ADORA2B: variants seen among roughly 807,000 people sequenced by gnomAD.
ADORA2B encodes the protein adenosine A2b receptor.
A neutral mutation model predicts 20.8 loss-of-function variants in ADORA2B; 18 were observed. That is an observed-to-expected ratio of 0.87 (90% CI 0.60 to 1.29). The LOEUF (loss-of-function observed/expected upper bound fraction) is 1.29, where lower values mean the gene tolerates loss of function less well. ADORA2B is among the 50% of genes most tolerant of loss of function. ADORA2B has a pLI of 0.00. For synonymous variants in ADORA2B, 179 were observed against 178.3 expected, an observed-to-expected ratio of 1.00 and a Z score of -0.03; for missense variants, 441 against 422.7, an observed-to-expected ratio of 1.04 and a Z score of -0.38.
At chr17:15,937,698 A>G in the ADORA2B span, among the ~76,000 whole-genome samples, 1 of 151,838 alleles carries the variant, frequency 6.6e-6, no homozygotes, top group Non-Finnish European at 1.5e-5. Context: ...TCAGCCTCCC[A>G]AGTAGTTGGG....
chr17:15,894,832 G>T, the ADORA2B span, among the ~76,000 whole-genome samples: 1 of 152,152 alleles, frequency 6.6e-6, no homozygotes, highest in East Asian at 1.9e-4. Flanking sequence ...CCAAAGAATG[G>T]TCATGGTAAT....
At chr17:15,876,587 C>T in the ADORA2B span, among the ~76,000 whole-genome samples, 1 of 151,572 alleles carries the variant, frequency 6.6e-6, no homozygotes, top group Admixed American at 6.6e-5. Context: ...TTACCCTGGT[C>T]CCCTAATTAT....
chr17:15,922,145 C>G, the ADORA2B span, among the ~76,000 whole-genome samples: 3 of 152,132 alleles, frequency 2.0e-5, no homozygotes, highest in Admixed American at 1.3e-4. Flanking sequence ...AGTGAAAGAC[C>G]GTGCCACTCA....
intron 1 of ADORA2B, among the ~76,000 whole-genome samples, chr17:15,955,878 G>T (rs991628565): frequency 2.6e-5 from 4 of 150,990 alleles, no homozygotes; most frequent in Non-Finnish European, 4.4e-5. Context: ...ACCACCACAC[G>T]TGGCTAATTT....
chr17:15,887,667 G>A, the ADORA2B span, among the ~76,000 whole-genome samples: 1 of 128,270 alleles, frequency 7.8e-6, no homozygotes, highest in East Asian at 2.1e-4. Context: ...TAAAAGATAG[G>A]CTGGGTGTGG....
At chr17:15,924,870 T>C in the ADORA2B span, among the ~76,000 whole-genome samples, 1 of 151,862 alleles carries the variant, frequency 6.6e-6, no homozygotes, top group Non-Finnish European at 1.5e-5. Flanking sequence ...TTTCTTTCTT[T>C]CTTTTTTTTT....
At chr17:15,920,540 G>T in the ADORA2B span, among the ~76,000 whole-genome samples, 1 of 152,050 alleles carries the variant, frequency 6.6e-6, no homozygotes, top group African/African-American at 2.4e-5. Flanking sequence ...GGCCAACATG[G>T]TGAAACCCCG....
the ADORA2B span, among the ~76,000 whole-genome samples, chr17:15,905,117 T>C: frequency 6.6e-6 from 1 of 152,346 alleles, no homozygotes; most frequent in Non-Finnish European, 1.5e-5. Context: ...TAAATCAAAC[T>C]GGGAAGAACT....
At chr17:15,946,673 G>A (rs1468493935) in intron 1 of ADORA2B, among the ~76,000 whole-genome samples, 2 of 152,214 alleles carry the variant, frequency 1.3e-5, no homozygotes, top group African/African-American at 2.4e-5. Context: ...CAGAGGACGG[G>A]TGCTGTAACC....
intron 1 of ADORA2B, among the ~76,000 whole-genome samples, chr17:15,966,783 T>C (rs1385203078): frequency 6.6e-6 from 1 of 152,248 alleles, no homozygotes; most frequent in Non-Finnish European, 1.5e-5. Flanking sequence ...GCTGGGATTG[T>C]TTCTGCCTTG....
chr17:15,914,585 T>C, the ADORA2B span, among the ~76,000 whole-genome samples: 1 of 152,248 alleles, frequency 6.6e-6, no homozygotes, highest in Non-Finnish European at 1.5e-5. Flanking sequence ...ATGAACCATA[T>C]AGCTGGTCTG....
upstream of ADORA2B, among the ~76,000 whole-genome samples, chr17:15,940,432 A>G (rs936139312): frequency 1.3e-5 from 2 of 152,252 alleles, no homozygotes; most frequent in African/African-American, 4.8e-5. Context: ...GTTGAGGTAC[A>G]GTAAGAAACC....
At chr17:15,875,319 C>T in the ADORA2B span, among the ~76,000 whole-genome samples, 1 of 152,118 alleles carries the variant, frequency 6.6e-6, no homozygotes, top group African/African-American at 2.4e-5. Context: ...GCATGCTTAT[C>T]ACTGCTGTTT....
upstream of ADORA2B, among the ~76,000 whole-genome samples, chr17:15,944,002 G>A (rs1243957874): frequency 6.6e-6 from 1 of 152,168 alleles, no homozygotes; most frequent in African/African-American, 2.4e-5. This position sits in a 1 kb window ranked among gnomAD's most constrained non-coding sequence, Gnocchi z 4.8. Context: ...AGGGATGGTA[G>A]AAGCAGGTGG....
chr17:15,960,937 G>A (rs1277685069), intron 1 of ADORA2B, among the ~76,000 whole-genome samples: 1 of 151,260 alleles, frequency 6.6e-6, no homozygotes, highest in Non-Finnish European at 1.5e-5. Context: ...GGAGGCCGAG[G>A]CGGGCGATTC....
At chr17:15,887,679 C>T in the ADORA2B span, among the ~76,000 whole-genome samples, 1 of 127,030 alleles carries the variant, frequency 7.9e-6, no homozygotes, top group Non-Finnish European at 1.6e-5. Flanking sequence ...TGGGTGTGGT[C>T]GCTCACGCCT....
chr17:15,869,759 A>G, the ADORA2B span, among the ~76,000 whole-genome samples: 1 of 152,234 alleles, frequency 6.6e-6, no homozygotes, highest in Admixed American at 6.5e-5. Flanking sequence ...TACTTTTTGA[A>G]TTAAAATACA....
In ADORA2B at chr17:15,974,566, A is replaced by G; in HGVS notation, c.336-113A>G. 6.6e-6 allele frequency: 6 copies of G among 915,600 alleles called. No homozygotes were observed. The South Asian group carries it at 1.0e-4, about 15-fold the overall frequency. The allele number at this position is 915,600 out of a possible 1,614,324, so 56.7% of individuals were successfully genotyped here. On this transcript the variant is annotated intron_variant, in intron 1 of 1. Coordinates refer to ENST00000304222, the MANE Select transcript of ADORA2B (RefSeq NM_000676.4). ...AGGGTAAAGGCCTTAGTGCCCTGGA[A>G]GGTGAACTTTAGAGGTTGTTAAAGG... is the stretch of plus-strand genomic sequence containing the variant.
At chr17:15,966,699 C>T (rs938251036) in intron 1 of ADORA2B, among the ~76,000 whole-genome samples, 1 of 152,250 alleles carries the variant, frequency 6.6e-6, no homozygotes, top group Non-Finnish European at 1.5e-5. Flanking sequence ...CAGCTCCGTA[C>T]ACAGTGGTGG....
Sources: allele counts gnomAD v4.1 joint callset (sites outside exome capture counted in the v4.1 genomes callset), GRCh38; gene constraint gnomAD v4.1.1; non-coding constraint Gnocchi (gnomAD v3.1); transcripts MANE v1.5; gene names NCBI Gene and HGNC (gene_info 2026-07-23, HGNC 2026-07-21).